The following SNX29 variants were observed in gnomAD, a reference collection of about 807,000 sequenced individuals.
SNX29 encodes the protein sorting nexin-29.
A neutral mutation model predicts 102.1 loss-of-function variants in SNX29; 78 were observed. That is an observed-to-expected ratio of 0.76 (90% confidence interval 0.64 to 0.92). The LOEUF (loss-of-function observed/expected upper bound fraction) is 0.92, where lower values mean the gene tolerates loss of function less well. Ranked by LOEUF, SNX29 falls within the 40% of genes least tolerant of loss-of-function variation. The probability of loss-of-function intolerance (pLI) is 0.00; values close to 1 mark genes in which losing one functional copy is unlikely to be tolerated. For synonymous variants in SNX29, 580 were observed against 414.5 expected (o/e 1.40, Z -4.85); for missense variants, 1,280 against 1,061.7 (o/e 1.21, Z -2.86).
chr16:12,042,690 G>T (rs1427869416), intron 4 of SNX29, among the ~76,000 whole-genome samples: 1 of 152,214 alleles, frequency 6.6e-6, no homozygotes, highest in African/African-American at 2.4e-5. Context: ...GTATTCCATT[G>T]TGTAAATGTA....
At chr16:12,000,531 T>C (rs978404256) in intron 2 of SNX29, 1 of 152,032 alleles carries the variant, frequency 6.6e-6, no homozygotes, top group Admixed American at 6.6e-5. Flanking sequence ...AAAATTTTTT[T>C]TTTTATTTTC....
chr16:12,075,499 C>T (rs2151324118), intron 10 of SNX29, among the ~76,000 whole-genome samples: 1 of 152,312 alleles, frequency 6.6e-6, no homozygotes, highest in East Asian at 1.9e-4. Flanking sequence ...TCCGCGAATG[C>T]TGCTGTCTGA....
chr16:12,197,769 G>A (rs569703751), intron 13 of SNX29, among the ~76,000 whole-genome samples: 1 of 152,284 alleles, frequency 6.6e-6, no homozygotes, highest in South Asian at 2.1e-4. Context: ...GGACTCCCTT[G>A]TGGTTTACTT....
chr16:12,286,273 T>C (rs1004925392), intron 15 of SNX29, among the ~76,000 whole-genome samples: 4 of 151,998 alleles, frequency 2.6e-5, no homozygotes, highest in Non-Finnish European at 5.9e-5. Flanking sequence ...GGGTAAGAAG[T>C]TATAGTTTCT....
At chr16:12,551,797 T>TGG (rs1303963278) in intron 20 of SNX29, among the ~76,000 whole-genome samples, 4 of 152,178 alleles carry the variant, frequency 2.6e-5, no homozygotes, top group African/African-American at 9.6e-5. Flanking sequence ...CACATGGGCA[T>TGG]CAAACTTCTG....
intron 14 of SNX29, among the ~76,000 whole-genome samples, chr16:12,207,782 G>A (rs558348822): frequency 1.3e-5 from 2 of 152,280 alleles, no homozygotes; most frequent in African/African-American, 4.8e-5. Context: ...CCCCTGTGGT[G>A]CTTGCTACGA....
intron 13 of SNX29, among the ~76,000 whole-genome samples, chr16:12,180,503 A>G (rs1403249428): frequency 2.7e-5 from 4 of 146,324 alleles, no homozygotes; most frequent in African/African-American, 1.0e-4. Context: ...TTTTTTTTTG[A>G]GATGGAGTCT....
intron 16 of SNX29, among the ~76,000 whole-genome samples, chr16:12,381,990 T>C (rs57818655): frequency 0.066 from 10,018 of 151,410 alleles, 962 homozygotes; most frequent in African/African-American, 0.22. Flanking sequence ...ATTTAGAAAA[T>C]GATTTGTACC....
chr16:12,280,339 G>C (rs372722046), intron 15 of SNX29, among the ~76,000 whole-genome samples: 27 of 152,312 alleles, frequency 1.8e-4, no homozygotes, highest in African/African-American at 6.5e-4. Flanking sequence ...CTCATCCCCT[G>C]CTGTGCTGAC....
intron 14 of SNX29, among the ~76,000 whole-genome samples, chr16:12,209,220 C>T (rs1365114824): frequency 1.3e-5 from 2 of 152,096 alleles, no homozygotes; most frequent in East Asian, 3.9e-4. Flanking sequence ...CGGTTTGGAG[C>T]CTGGAGAGAT....
chr16:12,405,157 C>G (rs894272557), intron 18 of SNX29, among the ~76,000 whole-genome samples: 14 of 152,144 alleles, frequency 9.2e-5, no homozygotes, highest in Admixed American at 6.5e-5. Context: ...GAAGGTGCAG[C>G]CTGGAGGATG....
rs74581576 is a variant in SNX29 at position 12,551,432 on chromosome 16, G to T, written c.2319-17074G>T. Among the ~76,000 whole-genome samples, 1,225 of 152,246 alleles carry T rather than the reference G, an allele frequency of 8.0e-3. 19 individuals are homozygous for T. Among genetic ancestry groups the T allele is most frequent in the East Asian group, 0.067 (349 of 5,178 alleles). On this transcript the variant is annotated intron_variant, in intron 20 of 20. Coordinates refer to ENST00000566228, the MANE Select transcript of SNX29 (RefSeq NM_032167.5). ...GGTCTCAGCCACAGCTTGCACATTC[G>T]ATCACCCAGCATGCTTTTAAAAATA... is the stretch of plus-strand genomic sequence containing the variant.
At chr16:12,139,671 C>T (rs2054797227) in intron 13 of SNX29, among the ~76,000 whole-genome samples, 1 of 152,036 alleles carries the variant, frequency 6.6e-6, no homozygotes, top group African/African-American at 2.4e-5. Context: ...TTCTGGAAGC[C>T]CCTCAGCCAT....
At chr16:12,377,928 G>A (rs905232042) in intron 16 of SNX29, among the ~76,000 whole-genome samples, 2 of 152,124 alleles carry the variant, frequency 1.3e-5, no homozygotes, top group Non-Finnish European at 2.9e-5. Flanking sequence ...TTCAGGCCTT[G>A]GCATGGTTAG....
intron 16 of SNX29, among the ~76,000 whole-genome samples, chr16:12,359,878 C>T (rs146564536): frequency 6.8e-4 from 104 of 152,224 alleles, no homozygotes; most frequent in African/African-American, 2.2e-3. Flanking sequence ...GGCTGGAGTG[C>T]AGTGGTGCGA....
At chr16:12,525,467 G>C (rs866191215) in intron 20 of SNX29, among the ~76,000 whole-genome samples, 2 of 152,288 alleles carry the variant, frequency 1.3e-5, no homozygotes, top group Non-Finnish European at 2.9e-5. Context: ...GAGGTCGGGA[G>C]TTCGAGACCA....
chr16:12,371,600 C>A (rs1175474981), intron 16 of SNX29, among the ~76,000 whole-genome samples: 1 of 152,232 alleles, frequency 6.6e-6, no homozygotes, highest in Non-Finnish European at 1.5e-5. Flanking sequence ...CCACTGCACC[C>A]AGCCAGATTT....
intron 13 of SNX29, among the ~76,000 whole-genome samples, chr16:12,130,831 C>T (rs1597000252): frequency 6.6e-6 from 1 of 151,864 alleles, no homozygotes; most frequent in East Asian, 1.9e-4. Context: ...CGTGGGGCTG[C>T]CCTCTGCTTT....
intron 16 of SNX29, among the ~76,000 whole-genome samples, chr16:12,357,075 A>G (rs1159506887): frequency 2.0e-5 from 3 of 152,252 alleles, no homozygotes. Flanking sequence ...ATTACAAACC[A>G]CAATGCCGTG....
Sources: allele counts gnomAD v4.1 joint callset (sites outside exome capture counted in the v4.1 genomes callset), GRCh38; gene constraint gnomAD v4.1.1; transcripts MANE v1.5; gene names NCBI Gene and HGNC (gene_info 2026-07-23, HGNC 2026-07-21).